The following CLVS1 variants were observed in gnomAD, a reference collection of about 807,000 sequenced individuals.
CLVS1 encodes the protein clavesin 1.
CLVS1 carries 10 observed loss-of-function variants against 33.1 expected under a neutral mutation model. That is an observed-to-expected ratio of 0.30 (90% CI 0.19 to 0.51). The LOEUF is 0.51. Ranked by LOEUF, CLVS1 falls within the 20% of genes least tolerant of loss-of-function variation. CLVS1 has a pLI of 0.97. For synonymous variants in CLVS1, 163 were observed against 166.1 expected (o/e 0.98, Z 0.14); for missense variants, 343 against 433.4 (o/e 0.79, Z 1.85).
At chr8:61,394,426 G>C (rs1814436414) in intron 3 of CLVS1, among the ~76,000 whole-genome samples, 1 of 152,168 alleles carries the variant, frequency 6.6e-6, no homozygotes, top group African/African-American at 2.4e-5. Flanking sequence ...TCAGCTAGAA[G>C]AGCATGTAGA....
At chr8:61,104,002 A>G (rs1423796344) in intron 1 of CLVS1, among the ~76,000 whole-genome samples, 1 of 152,222 alleles carries the variant, frequency 6.6e-6, no homozygotes, top group Non-Finnish European at 1.5e-5. Context: ...TAGATAACCA[A>G]CATGTATCAT....
chr8:61,466,059 C>T (rs1458987785), intron 5 of CLVS1, among the ~76,000 whole-genome samples: 1 of 152,206 alleles, frequency 6.6e-6, no homozygotes, highest in Non-Finnish European at 1.5e-5. Flanking sequence ...TGAAGCACCT[C>T]ACTTTCTCCT....
intron 2 of CLVS1, among the ~76,000 whole-genome samples, chr8:61,347,158 C>T (rs1180937046): frequency 1.3e-5 from 2 of 152,128 alleles, no homozygotes; most frequent in East Asian, 3.9e-4. Context: ...CCTTGTAGGT[C>T]ATCCTAAGAA....
intron 3 of CLVS1, among the ~76,000 whole-genome samples, chr8:61,437,330 A>G (rs1447359670): frequency 6.6e-6 from 1 of 152,250 alleles, no homozygotes; most frequent in Admixed American, 6.5e-5. Flanking sequence ...ATGCAAATAA[A>G]GTTTTCAGGT....
At chr8:61,141,268 C>T (rs1360073989) in intron 2 of CLVS1, among the ~76,000 whole-genome samples, 3 of 151,940 alleles carry the variant, frequency 2.0e-5, no homozygotes, top group African/African-American at 4.8e-5. Context: ...TTTGCATGGT[C>T]GAAAGGCCAT....
At chr8:61,480,903 G>A (rs1304085735) in intron 5 of CLVS1, among the ~76,000 whole-genome samples, 2 of 152,120 alleles carry the variant, frequency 1.3e-5, no homozygotes, top group Non-Finnish European at 2.9e-5. Context: ...CTCTATTCTT[G>A]GGTAGTGTGA....
intron 2 of CLVS1, among the ~76,000 whole-genome samples, chr8:61,210,073 G>A (rs996634501): frequency 6.6e-6 from 1 of 152,220 alleles, no homozygotes; most frequent in Non-Finnish European, 1.5e-5. Context: ...GGTCTTCCCT[G>A]AAAGTAAACA....
intron 2 of CLVS1, among the ~76,000 whole-genome samples, chr8:61,357,539 C>G (rs6987677): frequency 0.21 from 8,759 of 40,928 alleles, 1,071 homozygotes; most frequent in African/African-American, 0.43. Flanking sequence ...GAGTTTTGCT[C>G]TTGTTGCCCA....
At chr8:61,275,080 A>G (rs1430748136) in intron 2 of CLVS1, among the ~76,000 whole-genome samples, 1 of 152,234 alleles carries the variant, frequency 6.6e-6, no homozygotes, top group Non-Finnish European at 1.5e-5. Flanking sequence ...ACAAAAGGCT[A>G]TAAATTATTA....
intron 2 of CLVS1, among the ~76,000 whole-genome samples, chr8:61,212,371 G>A (rs530741593): frequency 7.6e-4 from 115 of 152,270 alleles, no homozygotes; most frequent in Admixed American, 1.6e-3. Context: ...AAAACCTAGC[G>A]TCAGGAGTGT....
At chr8:61,287,080 G>A (rs1406118469), upstream of CLVS1, among the ~76,000 whole-genome samples, 1 of 152,150 alleles carries the variant, frequency 6.6e-6, no homozygotes, top group African/African-American at 2.4e-5. Context: ...GGTACGAGAA[G>A]TGAAATTACT....
At chr8:61,004,255 G>T in the CLVS1 span, among the ~76,000 whole-genome samples, 2 of 152,196 alleles carry the variant, frequency 1.3e-5, no homozygotes, top group African/African-American at 4.8e-5. Context: ...ATATAACTTG[G>T]GTGAGTAGAC....
chr8:61,390,874 TA>T (rs1251121470), intron 3 of CLVS1: 1 of 152,210 alleles, frequency 6.6e-6, no homozygotes, highest in African/African-American at 2.4e-5. Context: ...TAAAAGCAGT[TA>T]AAAAAGCTTA....
intron 2 of CLVS1, among the ~76,000 whole-genome samples, chr8:61,245,586 A>G (rs967773470): frequency 6.6e-6 from 1 of 151,936 alleles, no homozygotes; most frequent in African/African-American, 2.4e-5. Flanking sequence ...TATTGTATAT[A>G]ATTACAGATA....
intron 2 of CLVS1, among the ~76,000 whole-genome samples, chr8:61,275,698 G>T (rs1307306426): frequency 1.3e-5 from 2 of 152,138 alleles, no homozygotes; most frequent in Non-Finnish European, 2.9e-5. Flanking sequence ...TTCGCGCAAT[G>T]AAGAAAACAA....
At chr8:61,071,529 G>A (rs1804796291) in intron 1 of CLVS1, among the ~76,000 whole-genome samples, 1 of 152,136 alleles carries the variant, frequency 6.6e-6, no homozygotes, top group African/African-American at 2.4e-5. Flanking sequence ...CTACCTAGAT[G>A]GTTCACAATA....
chr8:61,341,163 G>A (rs930947199), intron 2 of CLVS1, among the ~76,000 whole-genome samples: 4 of 152,072 alleles, frequency 2.6e-5, no homozygotes, highest in African/African-American at 4.8e-5. Flanking sequence ...TTTTGGCTTC[G>A]TGATCATTTC....
chr8:61,387,466 CTTTTTTTTTT>C (rs372983692), intron 3 of CLVS1, among the ~76,000 whole-genome samples: 1 of 109,320 alleles, frequency 9.1e-6, no homozygotes, highest in South Asian at 3.2e-4. Flanking sequence ...TGTACAGTTC[CTTTTTTTTTT>C]TTTTTTTTTT....
chr8:61,075,397 C>T (rs988112326), intron 1 of CLVS1, among the ~76,000 whole-genome samples: 2 of 152,216 alleles, frequency 1.3e-5, no homozygotes, highest in African/African-American at 4.8e-5. Context: ...CATAAGCACC[C>T]TCCAGTGTTG....
Sources: allele counts gnomAD v4.1 joint callset (sites outside exome capture counted in the v4.1 genomes callset), GRCh38; gene constraint gnomAD v4.1.1; transcripts MANE v1.5; gene names NCBI Gene and HGNC (gene_info 2026-07-23, HGNC 2026-07-21).